The following KLRF1 variants were observed in gnomAD, a reference collection of about 807,000 sequenced individuals.
KLRF1 encodes the protein killer cell lectin-like receptor subfamily F member 1.
In KLRF1, 27 loss-of-function variants were observed where a neutral mutation model predicts 30.7. The observed-to-expected ratio is 0.88, with a 90% confidence interval of 0.65 to 1.21. The LOEUF (loss-of-function observed/expected upper bound fraction) is 1.21, where lower values mean the gene tolerates loss of function less well. Among genes scored for constraint, KLRF1 ranks in the 50% most tolerant of loss-of-function variants. The pLI is 0.00. For missense variants in KLRF1, 246 were observed against 259.3 expected (o/e 0.95, Z 0.35); for synonymous variants, 92 against 89.3 (o/e 1.03, Z -0.17).
the KLRF1 span, among the ~76,000 whole-genome samples, chr12:9,803,167 A>G: frequency 3.0e-4 from 46 of 152,188 alleles, 1 homozygote; most frequent in African/African-American, 1.0e-3. Flanking sequence ...CACATCTACA[A>G]CCATTTGATC....
At chr12:9,810,179 A>G in the KLRF1 span, among the ~76,000 whole-genome samples, 1 of 152,182 alleles carries the variant, frequency 6.6e-6, no homozygotes, top group Non-Finnish European at 1.5e-5. Flanking sequence ...TTTTGGTATT[A>G]TACAATATAA....
the KLRF1 span, among the ~76,000 whole-genome samples, chr12:9,816,008 G>A: frequency 6.6e-6 from 1 of 152,148 alleles, no homozygotes; most frequent in Non-Finnish European, 1.5e-5. Flanking sequence ...AGTAGAGATG[G>A]GGTTTCTCCA....
chr12:9,815,975 C>A, the KLRF1 span, among the ~76,000 whole-genome samples: 1 of 152,184 alleles, frequency 6.6e-6, no homozygotes, highest in Non-Finnish European at 1.5e-5. Context: ...CACGCCACCA[C>A]GCCTAGCTGA....
At chr12:9,831,283 A>G (rs1165646241) in intron 1 of KLRF1, among the ~76,000 whole-genome samples, 1 of 152,154 alleles carries the variant, frequency 6.6e-6, no homozygotes, top group Non-Finnish European at 1.5e-5. Flanking sequence ...TTCTGATAAA[A>G]TTATTTTAAT....
At chr12:9,803,289 G>A in the KLRF1 span, among the ~76,000 whole-genome samples, 20,989 of 151,928 alleles carry the variant, frequency 0.14, 1,885 homozygotes, top group African/African-American at 0.25. Context: ...CCTCTTCGTT[G>A]CACCTTATAC....
chr12:9,833,245 C>T, intron 2 of KLRF1, 58 bp from the exon 3 acceptor site: 13 of 1,162,520 alleles, frequency 1.1e-5, no homozygotes, highest in South Asian at 5.5e-5. Flanking sequence ...TGAATGTGTC[C>T]CTGAAACATT....
At chr12:9,834,880 A>T (rs774220197) in intron 3 of KLRF1, among the ~76,000 whole-genome samples, 2 of 152,184 alleles carry the variant, frequency 1.3e-5, no homozygotes, top group African/African-American at 4.8e-5. Flanking sequence ...AGCAGTGAGT[A>T]AGTCAAGGCC....
At chr12:9,802,676 C>A in the KLRF1 span, among the ~76,000 whole-genome samples, 1 of 152,086 alleles carries the variant, frequency 6.6e-6, no homozygotes, top group East Asian at 1.9e-4. Flanking sequence ...AACAGACAAG[C>A]AGAGAACAAA....
At chr12:9,817,687 G>A in the KLRF1 span, 1 of 245,368 alleles carries the variant, frequency 4.1e-6, no homozygotes, top group Non-Finnish European at 8.6e-6. Flanking sequence ...TTCCTCAGTG[G>A]CTCCACTATA....
chr12:9,838,490 C>G (rs1867633006), intron 3 of KLRF1, among the ~76,000 whole-genome samples: 1 of 152,070 alleles, frequency 6.6e-6, no homozygotes. Flanking sequence ...TTGAAATGGA[C>G]CTTCTCAGTC....
intron 1 of KLRF1, among the ~76,000 whole-genome samples, chr12:9,829,229 C>T (rs1867353348): frequency 1.3e-5 from 2 of 152,230 alleles, no homozygotes; most frequent in South Asian, 2.1e-4. Context: ...ATAATAGTTA[C>T]TTAAAACAGA....
chr12:9,826,736 T>C (rs913190628), upstream of KLRF1, among the ~76,000 whole-genome samples: 4 of 152,162 alleles, frequency 2.6e-5, no homozygotes, highest in Admixed American at 2.6e-4. Context: ...TAGATGAAGC[T>C]AGAGGCCGTT....
chr12:9,826,708 A>T (rs934313763), upstream of KLRF1, among the ~76,000 whole-genome samples: 3 of 152,212 alleles, frequency 2.0e-5, no homozygotes, highest in African/African-American at 7.2e-5. Context: ...GAATGAGATG[A>T]TGTCCATTGC....
chr12:9,804,313 AG>A, the KLRF1 span, among the ~76,000 whole-genome samples: 1 of 151,844 alleles, frequency 6.6e-6, no homozygotes, highest in Non-Finnish European at 1.5e-5. Context: ...GAATTGTAGG[AG>A]TTCTTTATAT....
the KLRF1 span, among the ~76,000 whole-genome samples, chr12:9,803,890 T>G: frequency 1.3e-5 from 2 of 152,072 alleles, no homozygotes; most frequent in Non-Finnish European, 2.9e-5. Flanking sequence ...AATTTGTTCT[T>G]CTCTTTCAAT....
upstream of KLRF1, among the ~76,000 whole-genome samples, chr12:9,826,986 T>TA (rs59122125): frequency 0.011 from 1,713 of 152,224 alleles, 33 homozygotes; most frequent in African/African-American, 0.039. Flanking sequence ...TGATTTTACC[T>TA]ATATAACAAA....
chr12:9,816,871 C>T, the KLRF1 span, among the ~76,000 whole-genome samples: 1 of 151,776 alleles, frequency 6.6e-6, no homozygotes, highest in Admixed American at 6.6e-5. Context: ...GTAGCTGGGC[C>T]CAACACCATG....
At chr12:9,834,133 GAGA>G (rs1867516565) in intron 3 of KLRF1, among the ~76,000 whole-genome samples, 1 of 149,284 alleles carries the variant, frequency 6.7e-6, no homozygotes, top group South Asian at 2.1e-4. Flanking sequence ...GATGAGCCAG[GAGA>G]AGGACTTTCA....
the KLRF1 span, among the ~76,000 whole-genome samples, chr12:9,813,169 A>T: frequency 6.6e-6 from 1 of 151,374 alleles, no homozygotes; most frequent in Non-Finnish European, 1.5e-5. Context: ...TTATTATTAT[A>T]CTTTAAGTTT....
Sources: gnomAD v4.1 joint callset for allele counts (sites outside exome capture counted in the v4.1 genomes callset) on GRCh38, gnomAD v4.1.1 for gene constraint, MANE v1.5 for transcripts, NCBI Gene and HGNC (gene_info 2026-07-23, HGNC 2026-07-21) for gene names.